The following HIP1 variants were observed in gnomAD, a reference collection of about 807,000 sequenced individuals.
HIP1 encodes the protein huntingtin interacting protein 1.
A neutral mutation model predicts 147.6 loss-of-function variants in HIP1; 65 were observed. The ratio of observed to expected loss-of-function variants is 0.44; its 90% CI spans 0.36 to 0.54. The LOEUF is 0.54. Ranked by LOEUF, HIP1 falls within the 20% of genes least tolerant of loss-of-function variation. The pLI, the probability that HIP1 is intolerant of heterozygous loss-of-function variation, is 0.00. For missense variants in HIP1, 1,061 were observed against 1,299.6 expected (o/e 0.82, Z 2.82); for synonymous variants, 479 against 504.0 (o/e 0.95, Z 0.67).
intron 1 of HIP1, among the ~76,000 whole-genome samples, chr7:75,692,894 G>A (rs1800509159): frequency 6.6e-6 from 1 of 151,976 alleles, no homozygotes; most frequent in African/African-American, 2.4e-5. Context: ...GCCGGGCATG[G>A]TGTCTTATGC....
chr7:75,591,359 A>G (rs1359645392), intron 4 of HIP1, among the ~76,000 whole-genome samples: 2 of 151,842 alleles, frequency 1.3e-5, no homozygotes, highest in East Asian at 1.9e-4. Context: ...AATGCAGATT[A>G]CCCCTCTCCA....
intron 2 of HIP1, 22 bp downstream of exon 2, chr7:75,599,162 C>T: frequency 6.2e-7 from 1 of 1,600,980 alleles, no homozygotes; most frequent in Non-Finnish European, 8.6e-7. Flanking sequence ...GTCGGTCTTC[C>T]AAGCAACATC....
intron 1 of HIP1, among the ~76,000 whole-genome samples, chr7:75,601,311 G>A (rs1314688456): frequency 1.3e-5 from 2 of 151,934 alleles, no homozygotes; most frequent in East Asian, 1.9e-4. Context: ...GCTTATGGCC[G>A]GGCACAGTGG....
intron 16 of HIP1, 26 bp from the exon 17 acceptor site, chr7:75,556,837 CTCTGA>C: frequency 1.5e-6 from 2 of 1,365,284 alleles, no homozygotes; most frequent in Non-Finnish European, 2.1e-6. Flanking sequence ...AACAGAGGGA[CTCTGA>C]TCTGGGTGAC....
intron 1 of HIP1, among the ~76,000 whole-genome samples, chr7:75,729,143 A>T (rs1262847919): frequency 6.7e-6 from 1 of 148,624 alleles, no homozygotes; most frequent in Non-Finnish European, 1.5e-5. Flanking sequence ...CAAGTGAATA[A>T]AAATAAGAAA....
chr7:75,551,215 T>TTTTTTTTTGG (rs1794770851), intron 22 of HIP1, among the ~76,000 whole-genome samples: 2 of 134,202 alleles, frequency 1.5e-5, no homozygotes, highest in African/African-American at 2.8e-5. Context: ...TTTTTTTTTT[T>TTTTTTTTTGG]GAGGCAGTGT....
intron 11 of HIP1, 123 bp downstream of exon 11, chr7:75,562,812 G>A: frequency 1.0e-6 from 1 of 959,404 alleles, no homozygotes; most frequent in Non-Finnish European, 1.6e-6. Context: ...TTGGTGCTAG[G>A]TGAATGAAGA....
chr7:75,606,436 G>A (rs1797227628), intron 1 of HIP1, among the ~76,000 whole-genome samples: 1 of 152,138 alleles, frequency 6.6e-6, no homozygotes, highest in Non-Finnish European at 1.5e-5. Flanking sequence ...AAAATTAGCT[G>A]AGTGTGGTGG....
At chr7:75,584,706 G>T (rs782196133) in intron 5 of HIP1, among the ~76,000 whole-genome samples, 1 of 151,896 alleles carries the variant, frequency 6.6e-6, no homozygotes, top group Non-Finnish European at 1.5e-5. Flanking sequence ...TATCAGCCCC[G>T]CAGCCCCACT....
chr7:75,583,756 T>TTGTGTGTGTGTG (rs60640180), intron 5 of HIP1, among the ~76,000 whole-genome samples: 2,524 of 115,468 alleles, frequency 0.022, 62 homozygotes, highest in Non-Finnish European at 0.027. Flanking sequence ...GCGGGCTAAT[T>TTGTGTGTGTGTG]TGTGTGTGTG....
At chr7:75,547,079 T>G in intron 24 of HIP1, 47 bp from the exon 25 acceptor site, 4 of 1,458,590 alleles carry the variant, frequency 2.7e-6, no homozygotes, top group Non-Finnish European at 3.8e-6. Flanking sequence ...AGATCCAAGA[T>G]CAATGAACAC....
chr7:75,723,945 TATATAG>T (rs372071631), intron 1 of HIP1, among the ~76,000 whole-genome samples: 11 of 130,040 alleles, frequency 8.5e-5, no homozygotes, highest in African/African-American at 1.5e-4. Flanking sequence ...CATTTATATA[TATATAG>T]AGAGAGAGAG....
chr7:75,598,663 G>C (rs1796852204), intron 2 of HIP1, among the ~76,000 whole-genome samples: 1 of 152,046 alleles, frequency 6.6e-6, no homozygotes, highest in African/African-American at 2.4e-5. Flanking sequence ...TGTAATTCCA[G>C]CACTTTGGGG....
intron 1 of HIP1, among the ~76,000 whole-genome samples, chr7:75,677,624 A>C (rs1554516255): frequency 6.8e-6 from 1 of 147,930 alleles, no homozygotes; most frequent in East Asian, 2.0e-4. Flanking sequence ...AAAAAAAAAA[A>C]AGACAAGCCT....
At chr7:75,628,399 A>C (rs1227066402) in intron 1 of HIP1, among the ~76,000 whole-genome samples, 1 of 151,804 alleles carries the variant, frequency 6.6e-6, no homozygotes, top group Non-Finnish European at 1.5e-5. Context: ...CTTTCCTTAA[A>C]TCTCTCATAT....
chr7:75,730,801 C>T (rs893141503), intron 1 of HIP1, among the ~76,000 whole-genome samples: 2 of 148,074 alleles, frequency 1.4e-5, no homozygotes, highest in Non-Finnish European at 3.0e-5. Context: ...GGTGTGATCT[C>T]GGCTCAATGC....
At chr7:75,713,349 A>G (rs1222923277) in intron 1 of HIP1, among the ~76,000 whole-genome samples, 1 of 152,214 alleles carries the variant, frequency 6.6e-6, no homozygotes, top group Non-Finnish European at 1.5e-5. Context: ...AATAAGGAAC[A>G]GAACTGAAGC....
intron 1 of HIP1, among the ~76,000 whole-genome samples, chr7:75,664,378 A>ATG (rs1345581031): frequency 7.1e-5 from 4 of 56,652 alleles, no homozygotes; most frequent in African/African-American, 2.0e-4. Flanking sequence ...ACACATACAT[A>ATG]TGTGTATGTA....
chr7:75,648,652 G>A (rs1242691148), intron 1 of HIP1, among the ~76,000 whole-genome samples: 4 of 152,126 alleles, frequency 2.6e-5, no homozygotes, highest in Non-Finnish European at 4.4e-5. Context: ...CCGGAAGTCA[G>A]GGGCTGCAGA....
Sources: gnomAD v4.1 joint callset for allele counts (sites outside exome capture counted in the v4.1 genomes callset) on GRCh38, gnomAD v4.1.1 for gene constraint, MANE v1.5 for transcripts, NCBI Gene and HGNC (gene_info 2026-07-23, HGNC 2026-07-21) for gene names.